TRPA1: variants seen among roughly 807,000 people sequenced by gnomAD.
The protein encoded by TRPA1 is transient receptor potential cation channel subfamily A member 1.
In TRPA1, 129 loss-of-function variants were observed where a neutral mutation model predicts 131.3. The observed-to-expected ratio is 0.98, with a 90% CI of 0.85 to 1.14. The LOEUF is 1.14. Ranked by LOEUF, TRPA1 falls within the 50% of genes most tolerant of loss-of-function variation. TRPA1 has a pLI of 0.00. For synonymous variants in TRPA1, 441 were observed against 451.7 expected (o/e 0.98, Z 0.30); for missense variants, 1,304 against 1,354.2 (o/e 0.96, Z 0.58).
chr8:72,046,097 G>A (rs1287909720), intron 17 of TRPA1, among the ~76,000 whole-genome samples: 4 of 151,966 alleles, frequency 2.6e-5, no homozygotes, highest in Non-Finnish European at 5.9e-5. Context: ...ATATGTAGGT[G>A]GATAGAGGTG....
chr8:72,038,877 T>C lies in TRPA1; in HGVS notation c.2283A>G (p.Ile761Met), dbSNP rs980959064. 15 of 1,611,824 alleles carry C rather than the reference T, an allele frequency of 9.3e-6. No homozygotes were observed. In the African/African-American group the frequency reaches 1.9e-4, roughly 20 times the overall value. The change falls in exon 19 of 27, where the codon ATA becomes ATG. Residue 761 changes from isoleucine (I) to methionine (M), a missense_variant. Coordinates refer to ENST00000262209, the MANE Select transcript of TRPA1 (RefSeq NM_007332.3). Reference sequence around the variant, plus strand: ...AATTTGAAATTACCGTGGTATCTAGTATTTCTGAATGATCACTAGTTTCAT... The same window carrying C: ...AATTTGAAATTACCGTGGTATCTAGCATTTCTGAATGATCACTAGTTTCAT... ...IINETSDHSEILDTTNSYLIK... is the reference protein window; with the variant it reads ...IINETSDHSEMLDTTNSYLIK...
intron 14 of TRPA1, 198 bp downstream of exon 14, chr8:72,052,401 G>C: frequency 2.0e-6 from 1 of 506,312 alleles, no homozygotes; most frequent in Non-Finnish European, 3.3e-6. Flanking sequence ...CAGCCTGTGC[G>C]ACAGAGCTAG....
chr8:72,088,320 G>T, the TRPA1 span, among the ~76,000 whole-genome samples: 2 of 142,856 alleles, frequency 1.4e-5, no homozygotes, highest in African/African-American at 5.1e-5. Context: ...TCTGTTGGTG[G>T]CATTCTTTTT....
chr8:72,083,798 G>A, the TRPA1 span, among the ~76,000 whole-genome samples: 5,834 of 152,004 alleles, frequency 0.038, 376 homozygotes, highest in African/African-American at 0.13. Context: ...ACTTTCTCGG[G>A]CTTAAACTGT....
chr8:72,026,057 C>T lies in TRPA1; in HGVS notation c.2954G>A (p.Ser985Asn), dbSNP rs756486828. The T allele has an allele frequency of 6.2e-7, 1 of 1,613,880 alleles. No individual in the cohort carries two copies. Among genetic ancestry groups the T allele is most frequent in the African/African-American group, 1.3e-5 (1 of 75,040 alleles). Reference protein sequence around the residue: ...RIAMQVELHTSLEKKLPLWFL... With the variant: ...RIAMQVELHTNLEKKLPLWFL... ...CCAAAGTGGCAGCTTCTTCTCTAAG[C>T]TGGTATGAAGTTCCACCTAAAGTGC... Residue 985 changes from serine (S) to asparagine (N), a missense_variant, in exon 25 of 27, where the codon AGC becomes AAC. Coordinates refer to ENST00000262209, the MANE Select transcript of TRPA1 (RefSeq NM_007332.3).
chr8:72,075,502 G>T lies in TRPA1; in HGVS notation c.-93C>A. 9.5e-7 allele frequency: 1 copy of T among 1,048,578 alleles called. No individual in the cohort carries two copies. The highest frequency in any genetic ancestry group is 1.5e-6 in the Non-Finnish European group (1 of 682,122). The allele number at this position is 1,048,578 out of a possible 1,614,324, so 65.0% of individuals were successfully genotyped here. On this transcript the variant is annotated 5_prime_UTR_variant, in exon 1 of 27. Coordinates refer to ENST00000262209, the MANE Select transcript of TRPA1 (RefSeq NM_007332.3). ...CGCTGTCAGCCTGCCAGGCGCTGGG[G>T]TCCGCGCGAGCCCGAGCTCTCCCGC...
At chr8:72,055,657 T>C in intron 11 of TRPA1, 29 bp downstream of exon 11, 1 of 1,613,492 alleles carries the variant, frequency 6.2e-7, no homozygotes, top group Non-Finnish European at 8.5e-7. Context: ...AAAGAAGACA[T>C]GTTCATACAT....
At chr8:72,037,874 C>T in intron 20 of TRPA1, 109 bp downstream of exon 20, 1 of 717,152 alleles carries the variant, frequency 1.4e-6, no homozygotes, top group Non-Finnish European at 2.5e-6. Context: ...GGTAGTCAAG[C>T]TATGTAATTT....
At chr8:72,035,104 A>G (rs1268444733) in intron 21 of TRPA1, among the ~76,000 whole-genome samples, 1 of 152,098 alleles carries the variant, frequency 6.6e-6, no homozygotes, top group Non-Finnish European at 1.5e-5. Context: ...CCTGCATCCT[A>G]TATTGTGAAA....
chr8:72,060,542 A>T (rs1418386482), intron 7 of TRPA1: 1 of 152,088 alleles, frequency 6.6e-6, no homozygotes, highest in Admixed American at 6.5e-5. Context: ...CATATACGAC[A>T]ATCTGTTTTT....
chr8:72,075,338 A>G lies in TRPA1; in HGVS notation c.72T>C (p.Asp24=), dbSNP rs141548292. The G allele has an allele frequency of 4.3e-6, 7 of 1,613,360 alleles. No individual in the cohort carries two copies. Among genetic ancestry groups the G allele is most frequent in the Admixed American group, 1.7e-5 (1 of 60,024 alleles). ...TGAAATCCTCCGTGTCGTCCGGCACATCCTCATAGACAACGCCCTGGGGCT... is the reference window on the plus strand; with the variant it reads ...TGAAATCCTCCGTGTCGTCCGGCACGTCCTCATAGACAACGCCCTGGGGCT... ...KKEPQGVVYE[D]VPDDTEDFKE... is the part of the protein sequence containing the mutation. Residue 24 remains aspartate (D), a synonymous_variant, in exon 1 of 27, where the codon GAT becomes GAC. Transcript: ENST00000262209.
intron 10 of TRPA1, among the ~76,000 whole-genome samples, chr8:72,056,463 T>C (rs1361919055): frequency 2.6e-5 from 4 of 152,152 alleles, no homozygotes. Flanking sequence ...AGTCACTCAG[T>C]AAGTATTAGC....
intron 12 of TRPA1, chr8:72,055,083 C>G (rs971855606): frequency 3.1e-5 from 8 of 261,938 alleles, no homozygotes; most frequent in Admixed American, 1.5e-4. Flanking sequence ...TACACAACCA[C>G]AGTTTTGTAT....
At position 72,046,403 on chromosome 8, in the gene TRPA1, A is replaced by T. The variant is rs556557573; in HGVS notation, c.2061+110T>A. On this transcript the variant is annotated intron_variant, in intron 17 of 26. Coordinates refer to ENST00000262209, the MANE Select transcript of TRPA1 (RefSeq NM_007332.3). ...ATGGCTGGGTCAAATGGTATTTCTC[A>T]TATGTAACTAACCTGCACAATGTGC... 5.0e-6 allele frequency: 3 copies of T among 597,384 alleles called. No individual in the cohort carries two copies. In the South Asian group the frequency reaches 7.1e-5, roughly 14 times the overall value. 37.0% of individuals were successfully genotyped at this position (597,384 alleles called of 1,614,324 possible). A position where few individuals can be genotyped will look rare whatever the true frequency, so the allele number is the denominator to read the frequency against.
chr8:72,084,568 T>C, the TRPA1 span, among the ~76,000 whole-genome samples: 3 of 151,950 alleles, frequency 2.0e-5, no homozygotes, highest in African/African-American at 7.2e-5. Context: ...AGAATTGATT[T>C]TGAAGTTTTT....
Position 72,055,456 on chromosome 8 carries a change from T to C in TRPA1, c.1509A>G (p.Lys503=), listed in dbSNP as rs1296668163. 3.7e-6 allele frequency: 6 copies of C among 1,613,260 alleles called. No homozygotes were observed. In the South Asian group the frequency reaches 5.5e-5, roughly 15 times the overall value. ...GHDKVVQLLL[K]KGALFLSDHN... is the part of the protein sequence containing the mutation. ...CTCACCTGAGAAACAATGCACCTTT[T>C]TTCAGAAGAAGCTGAACTACTTTAT... is the stretch of plus-strand genomic sequence containing the variant. The change falls in exon 12 of 27, where the codon AAA becomes AAG. Residue 503 remains lysine (K), a synonymous_variant. Coordinates refer to ENST00000262209, the MANE Select transcript of TRPA1 (RefSeq NM_007332.3).
In TRPA1 at chr8:72,055,486, T is replaced by C. The variant is rs778138202; in HGVS notation, c.1479A>G (p.Gly493=). Residue 493 remains glycine (G), a synonymous_variant, in exon 12 of 27, where the codon GGA becomes GGG. Coordinates refer to ENST00000262209, the MANE Select transcript of TRPA1 (RefSeq NM_007332.3). ...GAAGAAGCTGAACTACTTTATCATGTCCATTCTTTGCTGCCAGATGGAGAG... is the reference window on the plus strand; with the variant it reads ...GAAGAAGCTGAACTACTTTATCATGCCCATTCTTTGCTGCCAGATGGAGAG... ...MTPLHLAAKN[G]HDKVVQLLLK... 3 of 1,613,298 alleles carry C rather than the reference T, an allele frequency of 1.9e-6. No homozygotes were observed. The East Asian group carries it at 6.7e-5, about 36-fold the overall frequency.
chr8:72,043,403 T>C (rs1189798323), intron 17 of TRPA1, among the ~76,000 whole-genome samples: 2 of 151,936 alleles, frequency 1.3e-5, no homozygotes, highest in East Asian at 1.9e-4. Context: ...AAGAACATTG[T>C]TTTTAAATAT....
chr8:72,064,370 C>G, intron 4 of TRPA1, among the ~76,000 whole-genome samples: 1 of 151,696 alleles, frequency 6.6e-6, no homozygotes, highest in South Asian at 2.1e-4. Context: ...TATTATCATA[C>G]AGTATACACA....
Sources: gnomAD v4.1 joint callset for allele counts (sites outside exome capture counted in the v4.1 genomes callset) on GRCh38, gnomAD v4.1.1 for gene constraint, MANE v1.5 for transcripts, NCBI Gene and HGNC (gene_info 2026-07-23, HGNC 2026-07-21) for gene names.